The following BCR variants were observed in gnomAD, a reference collection of about 807,000 sequenced individuals.
The protein encoded by BCR is breakpoint cluster region protein.
A neutral mutation model predicts 138.6 loss-of-function variants in BCR; 58 were observed. The observed-to-expected ratio is 0.42, with a 90% CI of 0.34 to 0.52. BCR has a LOEUF of 0.52. Ranked by LOEUF, BCR falls within the 20% of genes least tolerant of loss-of-function variation. The probability of loss-of-function intolerance (pLI) is 0.06; values close to 1 mark genes in which losing one functional copy is unlikely to be tolerated. For synonymous variants in BCR, 786 were observed against 730.1 expected (o/e 1.08, Z -1.23); for missense variants, 1,599 against 1,727.2 (o/e 0.93, Z 1.32).
intron 1 of BCR, among the ~76,000 whole-genome samples, chr22:23,252,427 CTTTTCTTTTTTT>C (rs1336462148): frequency 2.5e-5 from 3 of 119,496 alleles, no homozygotes; most frequent in Admixed American, 1.8e-4. Context: ...TTTTTCTTTT[CTTTTCTTTTTTT>C]TTTTTTTTTG....
intron 9 of BCR, 30 bp downstream of exon 9, chr22:23,284,128 A>G (rs758619245): frequency 1.2e-6 from 2 of 1,611,012 alleles, no homozygotes; most frequent in Non-Finnish European, 1.7e-6. Flanking sequence ...CTGTCCCAGC[A>G]GTGACCCCAC....
At chr22:23,256,351 G>A (rs1180604132) in intron 2 of BCR, among the ~76,000 whole-genome samples, 7 of 152,144 alleles carry the variant, frequency 4.6e-5, no homozygotes. Context: ...CACTCGTAGT[G>A]CAGACAGAGG....
At chr22:23,237,708 G>C (rs908572676) in intron 1 of BCR, among the ~76,000 whole-genome samples, 1 of 152,232 alleles carries the variant, frequency 6.6e-6, no homozygotes, top group Admixed American at 6.5e-5. Context: ...CTGCTGAGAC[G>C]GGCGGCGTGA....
intron 1 of BCR, among the ~76,000 whole-genome samples, chr22:23,225,191 C>CT (rs34267356): frequency 0.011 from 1,611 of 142,766 alleles, 16 homozygotes; most frequent in African/African-American, 0.034. Flanking sequence ...GTCTGTGGTG[C>CT]TTTTTTTTTT....
intron 7 of BCR, 113 bp downstream of exon 7, chr22:23,273,246 A>G (rs985738292): frequency 5.0e-6 from 6 of 1,205,212 alleles, no homozygotes; most frequent in Admixed American, 4.0e-5. Flanking sequence ...AGGGGGTGCT[A>G]CTGGCATCTA....
At chr22:23,211,387 ACAGGGTTT>A (rs1449618553) in intron 1 of BCR, among the ~76,000 whole-genome samples, 11 of 151,246 alleles carry the variant, frequency 7.3e-5, no homozygotes, top group Admixed American at 7.2e-4. Context: ...TTTAGTAAAG[ACAGGGTTT>A]CACTGTGTTA....
At chr22:23,264,503 G>C in intron 4 of BCR, 2 of 560,188 alleles carry the variant, frequency 3.6e-6, no homozygotes, top group South Asian at 4.2e-5. Context: ...CCTTGCAGTA[G>C]AGGCTTCTGA....
intron 1 of BCR, among the ~76,000 whole-genome samples, chr22:23,223,229 G>A (rs1011075910): frequency 2.6e-5 from 4 of 152,178 alleles, no homozygotes; most frequent in Non-Finnish European, 5.9e-5. Context: ...TGGGTGGAGG[G>A]TGACCACCTA....
At position 23,271,528 on chromosome 22, in the gene BCR, G is replaced by T; in HGVS notation, c.1861-4G>T. The T allele has an allele frequency of 6.2e-7, 1 of 1,613,986 alleles. No homozygotes were observed. Among genetic ancestry groups the T allele is most frequent in the Non-Finnish European group, 8.5e-7 (1 of 1,179,974 alleles). ...TGTGTGAACATGCGCTTTTCTCTCT[G>T]CAGAACCTGAGAGCCAGAAGCAACA... On this transcript the variant is annotated splice_region_variant and splice_polypyrimidine_tract_variant and intron_variant, in intron 5 of 22. Coordinates refer to ENST00000305877, the MANE Select transcript of BCR (RefSeq NM_004327.4).
chr22:23,189,807 C>G (rs2072392085), intron 1 of BCR, among the ~76,000 whole-genome samples: 2 of 152,150 alleles, frequency 1.3e-5, no homozygotes, highest in African/African-American at 4.8e-5. Flanking sequence ...GCCTAGCCCT[C>G]TCAGTCTTAA....
At chr22:23,301,164 G>C (rs891823584) in intron 16 of BCR, among the ~76,000 whole-genome samples, 2 of 152,236 alleles carry the variant, frequency 1.3e-5, no homozygotes, top group Admixed American at 6.5e-5. Flanking sequence ...AAATTAGCCA[G>C]GCGCGATGGC....
chr22:23,217,905 C>T (rs935124782), intron 1 of BCR, among the ~76,000 whole-genome samples: 1 of 152,186 alleles, frequency 6.6e-6, no homozygotes, highest in African/African-American at 2.4e-5. Flanking sequence ...AAGGCCTTGA[C>T]GTCCAGATCC....
In BCR at chr22:23,180,551, C is replaced by T; in HGVS notation, c.-410C>T. On this transcript the variant is annotated 5_prime_UTR_variant, in exon 1 of 23. Coordinates refer to ENST00000305877, the MANE Select transcript of BCR (RefSeq NM_004327.4). ...CGGGAGTGCGGCGAGAGCCGGCTGG[C>T]TGAGCTTAGCGTCCGAGGAGGCGGC... is the stretch of plus-strand genomic sequence containing the variant. 5.4e-6 allele frequency: 1 copy of T among 184,786 alleles called. No individual in the cohort carries two copies. Among genetic ancestry groups the T allele is most frequent in the Non-Finnish European group, 1.1e-5 (1 of 94,950 alleles). The allele number at this position is 184,786 out of a possible 1,614,324, so 11.4% of individuals were successfully genotyped here. A position where few individuals can be genotyped will look rare whatever the true frequency, so the allele number is the denominator to read the frequency against.
At chr22:23,308,762 G>A (rs1259306677) in intron 16 of BCR, among the ~76,000 whole-genome samples, 9 of 152,178 alleles carry the variant, frequency 5.9e-5, no homozygotes, top group Admixed American at 2.0e-4. Flanking sequence ...ATGACAGGGT[G>A]TTACATACCA....
chr22:23,279,884 G>A (rs1335555087), intron 8 of BCR, among the ~76,000 whole-genome samples: 1 of 152,206 alleles, frequency 6.6e-6, no homozygotes, highest in East Asian at 1.9e-4. Flanking sequence ...AGTGGTGGAG[G>A]CTGGAGATCC....
chr22:23,232,215 G>A (rs1432772744), intron 1 of BCR, among the ~76,000 whole-genome samples: 3 of 152,244 alleles, frequency 2.0e-5, no homozygotes, highest in Non-Finnish European at 4.4e-5. Flanking sequence ...CTCTAGGCAG[G>A]CACTGTTCTG....
intron 16 of BCR, among the ~76,000 whole-genome samples, chr22:23,304,099 ATTTTTTTTTT>A (rs56805241): frequency 0.016 from 1,684 of 102,210 alleles, 96 homozygotes; most frequent in Admixed American, 0.14. Context: ...ATGCCAGGCT[ATTTTTTTTTT>A]TTTTTTTTTT....
At chr22:23,249,618 T>C (rs1022848963) in intron 1 of BCR, among the ~76,000 whole-genome samples, 1 of 151,694 alleles carries the variant, frequency 6.6e-6, no homozygotes, top group African/African-American at 2.4e-5. Flanking sequence ...GGTGGTGCTT[T>C]GTGTACTTAG....
intron 1 of BCR, chr22:23,251,048 C>CA (rs2073221180): frequency 1.3e-5 from 2 of 152,242 alleles, no homozygotes; most frequent in Non-Finnish European, 2.9e-5. Context: ...TTAAGGAGAC[C>CA]AGATTCCTCC....
Sources: gnomAD v4.1 joint callset for allele counts (sites outside exome capture counted in the v4.1 genomes callset) on GRCh38, gnomAD v4.1.1 for gene constraint, MANE v1.5 for transcripts, NCBI Gene and HGNC (gene_info 2026-07-23, HGNC 2026-07-21) for gene names.